Variants in TMEM178A observed in about 807,000 individuals in gnomAD.
TMEM178A encodes transmembrane protein 178A.
TMEM178A carries 12 observed loss-of-function variants against 29.1 expected under a neutral mutation model. That is an observed-to-expected ratio of 0.41 (90% CI 0.26 to 0.67). The LOEUF (loss-of-function observed/expected upper bound fraction) is 0.67, where lower values mean the gene tolerates loss of function less well. Among genes scored for constraint, TMEM178A ranks in the 30% least tolerant of loss-of-function variants. TMEM178A has a pLI of 0.29. For synonymous variants in TMEM178A, 210 were observed against 187.2 expected (o/e 1.12, Z -0.99); for missense variants, 366 against 419.1 (o/e 0.87, Z 1.11).
intron 1 of TMEM178A, among the ~76,000 whole-genome samples, chr2:39,692,189 T>G (rs903480248): frequency 5.7e-4 from 87 of 152,282 alleles, no homozygotes; most frequent in African/African-American, 2.1e-3. Context: ...GGAAGATGGA[T>G]GCTGGTCAAG....
Position 39,717,165 on chromosome 2 carries a change from G to A in TMEM178A, c.808G>A (p.Ala270Thr), listed in dbSNP as rs185395702. 52 of 1,613,128 alleles carry A rather than the reference G, an allele frequency of 3.2e-5. No individual in the cohort carries two copies. The East Asian group carries it at 3.3e-4, about 10-fold the overall frequency. ...CAWCSLGFIV[A>T]AGGLCIAYPF... Reference sequence around the variant, plus strand: ...CTGGTGCAGTTTAGGCTTTATTGTGGCAGCTGGAGGTCTCTGCATCGCTTA... The same window carrying A: ...CTGGTGCAGTTTAGGCTTTATTGTGACAGCTGGAGGTCTCTGCATCGCTTA... The change falls in exon 4 of 4, where the codon GCA becomes ACA. Residue 270 changes from alanine to threonine, a missense_variant. Physicochemically the swap from Ala to Thr is moderately conservative, Grantham distance 58 (BLOSUM62 0). Transcript: ENST00000281961.
At chr2:39,704,781 G>A (rs1028224597) in intron 2 of TMEM178A, among the ~76,000 whole-genome samples, 2 of 152,184 alleles carry the variant, frequency 1.3e-5, no homozygotes, top group African/African-American at 4.8e-5. Context: ...TAAGCTGCCT[G>A]ATGATAGATA....
At chr2:39,702,914 C>T (rs191319570) in intron 1 of TMEM178A, among the ~76,000 whole-genome samples, 18 of 152,224 alleles carry the variant, frequency 1.2e-4, no homozygotes, top group South Asian at 4.1e-4. Flanking sequence ...ACATTTTTAA[C>T]GAGCCACCTA....
the TMEM178A span, among the ~76,000 whole-genome samples, chr2:39,733,744 T>C: frequency 3.9e-5 from 6 of 152,220 alleles, no homozygotes; most frequent in Non-Finnish European, 8.8e-5. Flanking sequence ...TTCTTTTTCA[T>C]AAATTGTTAT....
At position 39,680,924 on chromosome 2, in the gene TMEM178A, ACCTG is replaced by A. The variant is rs1670843971; in HGVS notation, c.400+14551_400+14554del. On this transcript the variant is annotated intron_variant, in intron 1 of 3. Transcript: ENST00000281961. ...TGAATTTAATAATTCTGTGTTAAAT[ACCTG>A]GAAGTTATACTTAATCACTTTAATT... 2.6e-5 allele frequency among the ~76,000 whole-genome samples: 4 copies of A among 152,208 alleles called. No homozygotes were observed. The South Asian group carries it at 8.3e-4, about 31-fold the overall frequency.
intron 1 of TMEM178A, among the ~76,000 whole-genome samples, chr2:39,701,141 A>G (rs1415625740): frequency 6.6e-6 from 1 of 152,152 alleles, no homozygotes; most frequent in Non-Finnish European, 1.5e-5. Context: ...TGTAACCTTT[A>G]CATGTGCTTT....
At chr2:39,719,873 T>C (rs1364932643), downstream of TMEM178A, among the ~76,000 whole-genome samples, 1 of 152,138 alleles carries the variant, frequency 6.6e-6, no homozygotes, top group Non-Finnish European at 1.5e-5. Context: ...CCACAGAACA[T>C]AATAGCCCCC....
At chr2:39,725,628 T>G in the TMEM178A span, among the ~76,000 whole-genome samples, 1 of 152,104 alleles carries the variant, frequency 6.6e-6, no homozygotes, top group African/African-American at 2.4e-5. Flanking sequence ...TGTCAGTGGG[T>G]GTGGAGGAAA....
intron 3 of TMEM178A, among the ~76,000 whole-genome samples, chr2:39,713,708 C>G (rs1481665608): frequency 1.3e-5 from 2 of 152,192 alleles, no homozygotes; most frequent in Non-Finnish European, 2.9e-5. Flanking sequence ...TTAAGCCACC[C>G]AGTCCGTGGT....
intron 1 of TMEM178A, among the ~76,000 whole-genome samples, chr2:39,688,211 A>T (rs1671161356): frequency 6.6e-6 from 1 of 152,258 alleles, no homozygotes; most frequent in African/African-American, 2.4e-5. Flanking sequence ...ATGAGAAGGC[A>T]CTTTGAACAA....
chr2:39,684,289 C>G (rs537259677), intron 1 of TMEM178A, among the ~76,000 whole-genome samples: 108 of 151,080 alleles, frequency 7.1e-4, no homozygotes, highest in Non-Finnish European at 1.3e-3. Flanking sequence ...TTTTTTTTTT[C>G]TGATTATGAA....
chr2:39,682,857 G>A (rs1269878723), intron 1 of TMEM178A, among the ~76,000 whole-genome samples: 3 of 152,198 alleles, frequency 2.0e-5, no homozygotes, highest in African/African-American at 7.2e-5. Flanking sequence ...CTGTGAAAGT[G>A]TCCAGATGAC....
chr2:39,666,609 A>G (rs1206325130), intron 1 of TMEM178A, among the ~76,000 whole-genome samples: 2 of 151,636 alleles, frequency 1.3e-5, no homozygotes, highest in African/African-American at 2.4e-5. Flanking sequence ...GCGTCCTTTC[A>G]AGTCCGTGCC....
At chr2:39,735,674 T>C in the TMEM178A span, among the ~76,000 whole-genome samples, 1 of 152,224 alleles carries the variant, frequency 6.6e-6, no homozygotes, top group African/African-American at 2.4e-5. Context: ...CACAACCACA[T>C]TTACTTAGTT....
chr2:39,674,179 C>T (rs1464780645), intron 1 of TMEM178A, among the ~76,000 whole-genome samples: 1 of 151,948 alleles, frequency 6.6e-6, no homozygotes, highest in Non-Finnish European at 1.5e-5. Context: ...TGACTGCCAA[C>T]ATCAACGGTT....
chr2:39,666,024 G>A lies in TMEM178A; in HGVS notation c.50G>A (p.Cys17Tyr). ...VTALSLGLSLCSLGLLVTAIF... is the reference protein window; with the variant it reads ...VTALSLGLSLYSLGLLVTAIF... Reference sequence around the variant, plus strand: ...GCGCTCAGCCTCGGCCTCAGCCTGTGCTCCCTGGGGCTGCTCGTCACGGCC... The same window carrying A: ...GCGCTCAGCCTCGGCCTCAGCCTGTACTCCCTGGGGCTGCTCGTCACGGCC... Residue 17 changes from cysteine to tyrosine, a missense_variant, in exon 1 of 4, where the codon TGC (cysteine) becomes TAC (tyrosine). By Grantham distance (194) the Cys-to-Tyr change is radical (BLOSUM62 -2). This residue lies in a region of TMEM178A where 247 missense variants were observed against 246.8 expected (regional missense o/e 1.00). Coordinates refer to ENST00000281961, the MANE Select transcript of TMEM178A (RefSeq NM_152390.3). The A allele has an allele frequency of 6.5e-7, 1 of 1,540,986 alleles. No homozygotes were observed. Among genetic ancestry groups the A allele is most frequent in the Non-Finnish European group, 8.7e-7 (1 of 1,147,128 alleles).
At chr2:39,686,720 G>C (rs892452357) in intron 1 of TMEM178A, among the ~76,000 whole-genome samples, 5 of 151,792 alleles carry the variant, frequency 3.3e-5, no homozygotes, top group South Asian at 2.1e-4. Context: ...CAGAGTGAGT[G>C]GGGGCTGGGT....
chr2:39,671,213 T>C (rs557857680), intron 1 of TMEM178A, among the ~76,000 whole-genome samples: 4 of 152,330 alleles, frequency 2.6e-5, no homozygotes, highest in African/African-American at 7.2e-5. Context: ...TAGGAATTCA[T>C]TGGGTCTGCT....
At chr2:39,667,621 T>C (rs1670228165) in intron 1 of TMEM178A, among the ~76,000 whole-genome samples, 2 of 152,208 alleles carry the variant, frequency 1.3e-5, no homozygotes, top group South Asian at 2.1e-4. Flanking sequence ...TAATAATGTG[T>C]TGGCCTTCAG....
Sources: allele counts gnomAD v4.1 joint callset (sites outside exome capture counted in the v4.1 genomes callset), GRCh38; gene constraint gnomAD v4.1.1; regional missense constraint gnomAD v4.1.1; transcripts MANE v1.5; gene names NCBI Gene and HGNC (gene_info 2026-07-23, HGNC 2026-07-21).